Variants in MAPK10 observed in about 807,000 individuals in gnomAD.
The protein encoded by MAPK10 is mitogen-activated protein kinase 10.
Under a neutral mutation model 59.3 loss-of-function variants are expected in MAPK10, and 25 were observed. The ratio of observed to expected loss-of-function variants is 0.42; its 90% CI spans 0.31 to 0.59. MAPK10 has a LOEUF of 0.59. Ranked by LOEUF, MAPK10 falls within the 20% of genes least tolerant of loss-of-function variation. The pLI, the probability that MAPK10 is intolerant of heterozygous loss-of-function variation, is 0.15. For missense variants in MAPK10, 351 were observed against 568.9 expected (o/e 0.62, Z 3.90); for synonymous variants, 190 against 200.5 (o/e 0.95, Z 0.44).
chr4:86,336,488 T>A (rs1325625357), intron 2 of MAPK10: 3 of 152,200 alleles, frequency 2.0e-5, no homozygotes, highest in African/African-American at 7.2e-5. Context: ...TTCCTTCCAC[T>A]TTTATCAAGT....
intron 4 of MAPK10, 137 bp downstream of exon 4, chr4:86,159,161 T>A: frequency 1.7e-6 from 1 of 581,214 alleles, no homozygotes; most frequent in Non-Finnish European, 2.8e-6. Context: ...AATGTTATTT[T>A]TTTTTCTTCA....
At chr4:86,141,126 GT>G (rs1241136907) in intron 4 of MAPK10, among the ~76,000 whole-genome samples, 2 of 152,124 alleles carry the variant, frequency 1.3e-5, no homozygotes, top group African/African-American at 4.8e-5. Context: ...TGTGACTTAG[GT>G]TTTAAAAGGC....
At chr4:86,342,611 A>G (rs1027854561) in intron 2 of MAPK10, among the ~76,000 whole-genome samples, 1 of 152,212 alleles carries the variant, frequency 6.6e-6, no homozygotes, top group Admixed American at 6.5e-5. Context: ...CATTTTACAT[A>G]TGGAGAAACC....
At chr4:86,317,875 C>T (rs746214458) in intron 2 of MAPK10, among the ~76,000 whole-genome samples, 8 of 152,146 alleles carry the variant, frequency 5.3e-5, no homozygotes, top group Non-Finnish European at 7.4e-5. Context: ...ATCAGGCTAT[C>T]GGCAGGACCA....
chr4:86,542,179 C>A (rs1036835313), intron 1 of MAPK10, among the ~76,000 whole-genome samples: 8 of 151,948 alleles, frequency 5.3e-5, no homozygotes, highest in Admixed American at 5.2e-4. Flanking sequence ...CATTAAGAAG[C>A]CCAATTACAT....
At chr4:86,548,170 G>A (rs566937565) in intron 1 of MAPK10, among the ~76,000 whole-genome samples, 2 of 152,144 alleles carry the variant, frequency 1.3e-5, no homozygotes, top group East Asian at 1.9e-4. Context: ...CTTCACTCCT[G>A]AAGCCAGCGA....
intron 2 of MAPK10, among the ~76,000 whole-genome samples, chr4:86,340,098 A>C (rs1724006192): frequency 6.6e-6 from 1 of 152,140 alleles, no homozygotes; most frequent in South Asian, 2.1e-4. Flanking sequence ...AAAGATACTA[A>C]AGTTTTGCTC....
At chr4:86,358,586 T>TG (rs1456541663) in intron 1 of MAPK10, 1 of 153,656 alleles carries the variant, frequency 6.5e-6, no homozygotes, top group Non-Finnish European at 1.4e-5. Context: ...TCTTTTTCTG[T>TG]GGCTAAATTG....
intron 2 of MAPK10, among the ~76,000 whole-genome samples, chr4:86,212,018 T>C (rs2149355101): frequency 6.6e-6 from 1 of 152,034 alleles, no homozygotes; most frequent in South Asian, 2.1e-4. Flanking sequence ...AAAAAGACAG[T>C]AATGCGGGAA....
rs149335531 is a variant in MAPK10 at position 86,097,487 on chromosome 4, TATCA to T, written c.802+1033_802+1036del. ...GAAGGATTCCTTAATAAAACTTTCT[TATCA>T]ATCAAATAGAATGGTTAATAGAGTT... On this transcript the variant is annotated intron_variant, in intron 9 of 13. Transcript: ENST00000641462. Among the ~76,000 whole-genome samples the T allele has an allele frequency of 4.2e-3, 645 of 152,108 alleles. 26 individuals carry two copies. The East Asian group carries it at 0.1, about 24-fold the overall frequency.
intron 1 of MAPK10, among the ~76,000 whole-genome samples, chr4:86,549,571 T>TAC: frequency 6.6e-6 from 1 of 152,264 alleles, no homozygotes; most frequent in Non-Finnish European, 1.5e-5. Context: ...AGTCAGTGAG[T>TAC]GAGTGGTGAC....
At chr4:86,072,052 T>G (rs1341886698) in intron 9 of MAPK10, among the ~76,000 whole-genome samples, 1 of 146,596 alleles carries the variant, frequency 6.8e-6, no homozygotes. Context: ...TTTGTTTGTA[T>G]CCTCTTTTAT....
chr4:86,071,294 C>A (rs2047894383), intron 9 of MAPK10, among the ~76,000 whole-genome samples: 1 of 146,382 alleles, frequency 6.8e-6, no homozygotes, highest in African/African-American at 2.6e-5. Flanking sequence ...GGATATTAGC[C>A]CTTTGTCAGA....
intron 2 of MAPK10, among the ~76,000 whole-genome samples, chr4:86,256,726 CTTTCTTTCTTTTTTTTT>C (rs2093733491): frequency 1.0e-5 from 1 of 99,254 alleles, no homozygotes; most frequent in African/African-American, 4.8e-5. Flanking sequence ...TTTTTCTTTT[CTTTCTTTCTTTTTTTTT>C]TTTTTTTTTT....
chr4:86,129,329 A>C (rs2060614847), intron 4 of MAPK10, among the ~76,000 whole-genome samples: 1 of 152,196 alleles, frequency 6.6e-6, no homozygotes, highest in Admixed American at 6.5e-5. Context: ...GAAAATACTA[A>C]AAGCCAAAAG....
At position 86,243,332 on chromosome 4, in the gene MAPK10, C is replaced by A. The variant is rs115182340; in HGVS notation, c.-6-48925G>T. On this transcript the variant is annotated intron_variant, in intron 2 of 13. Coordinates refer to ENST00000641462, the MANE Select transcript of MAPK10 (RefSeq NM_138982.4). ...TGTGGAGATACTTAGTCATTAATCACACACATTGGTCTATTCTACTACATA... is the reference window on the plus strand; with the variant it reads ...TGTGGAGATACTTAGTCATTAATCAAACACATTGGTCTATTCTACTACATA... Among the ~76,000 whole-genome samples, 1,481 of 152,312 alleles carry A rather than the reference C, an allele frequency of 9.7e-3. 9 individuals are homozygous for A. Among genetic ancestry groups the A allele is most frequent in the Middle Eastern group, 0.034 (10 of 294 alleles).
chr4:86,193,972 T>A (rs1168179020), intron 3 of MAPK10: 1 of 231,374 alleles, frequency 4.3e-6, no homozygotes, highest in Non-Finnish European at 8.6e-6. Context: ...ATGGCACAGT[T>A]CCTCATGGCT....
intron 4 of MAPK10, among the ~76,000 whole-genome samples, chr4:86,112,222 G>A (rs150892506): frequency 0.011 from 1,598 of 148,718 alleles, 16 homozygotes; most frequent in Admixed American, 0.017. Flanking sequence ...CTTCAGTTCT[G>A]CTCTGAGCTT....
At chr4:86,193,621 C>T (rs190221858) in intron 3 of MAPK10, 1 of 152,602 alleles carries the variant, frequency 6.6e-6, no homozygotes, top group Non-Finnish European at 1.5e-5. Context: ...GCTTGAGCAT[C>T]CCAGGTCGAC....
Sources: gnomAD v4.1 joint callset for allele counts (sites outside exome capture counted in the v4.1 genomes callset) on GRCh38, gnomAD v4.1.1 for gene constraint, MANE v1.5 for transcripts, NCBI Gene and HGNC (gene_info 2026-07-23, HGNC 2026-07-21) for gene names.